The following ENTREP2 variants were observed in gnomAD, a reference collection of about 807,000 sequenced individuals.
ENTREP2 encodes endosomal transmembrane epsin interactor 2.
At chr15:29,215,577 A>AATATATATATAT in the ENTREP2 span, among the ~76,000 whole-genome samples, 11 of 144,716 alleles carry the variant, frequency 7.6e-5, no homozygotes, top group African/African-American at 2.5e-4. Context: ...AAATATATAT[A>AATATATATATAT]ATATATATAT....
chr15:29,215,452 C>T, the ENTREP2 span, among the ~76,000 whole-genome samples: 1 of 152,058 alleles, frequency 6.6e-6, no homozygotes, highest in African/African-American at 2.4e-5. Context: ...TTCCTGCCCT[C>T]AAACATTGGA....
chr15:29,339,058 AG>A, the ENTREP2 span, among the ~76,000 whole-genome samples: 1 of 152,194 alleles, frequency 6.6e-6, no homozygotes, highest in Non-Finnish European at 1.5e-5. Flanking sequence ...AGCAACAGGA[AG>A]GTGCTGACTC....
the ENTREP2 span, among the ~76,000 whole-genome samples, chr15:29,182,800 C>T: frequency 6.6e-6 from 1 of 151,950 alleles, no homozygotes; most frequent in African/African-American, 2.4e-5. Flanking sequence ...ACCAGTATTT[C>T]CCGTAATGTG....
the ENTREP2 span, among the ~76,000 whole-genome samples, chr15:29,491,403 C>A: frequency 6.6e-6 from 1 of 152,302 alleles, no homozygotes; most frequent in African/African-American, 2.4e-5. Flanking sequence ...AGTGAGCGAG[C>A]GAGCACTGCT....
chr15:29,626,881 CA>C, the ENTREP2 span, among the ~76,000 whole-genome samples: 1 of 152,000 alleles, frequency 6.6e-6, no homozygotes, highest in African/African-American at 2.4e-5. Flanking sequence ...ACAAATAAAA[CA>C]AATACAATAA....
the ENTREP2 span, among the ~76,000 whole-genome samples, chr15:29,297,689 T>C: frequency 6.6e-6 from 1 of 152,180 alleles, no homozygotes; most frequent in South Asian, 2.1e-4. Flanking sequence ...TGGAGTCTGA[T>C]CAGGCCTCTA....
chr15:29,330,673 T>C, the ENTREP2 span, among the ~76,000 whole-genome samples: 4 of 152,276 alleles, frequency 2.6e-5, no homozygotes, highest in East Asian at 3.9e-4. Context: ...TGATGTGGGG[T>C]TGGATGGTAT....
the ENTREP2 span, among the ~76,000 whole-genome samples, chr15:29,314,822 CG>C: frequency 6.6e-6 from 1 of 152,078 alleles, no homozygotes; most frequent in African/African-American, 2.4e-5. Flanking sequence ...GAGGCCGAGG[CG>C]GGTGGATCGC....
chr15:29,134,331 C>T, the ENTREP2 span, among the ~76,000 whole-genome samples: 1 of 152,206 alleles, frequency 6.6e-6, no homozygotes, highest in Non-Finnish European at 1.5e-5. Flanking sequence ...CAGGCAGCTC[C>T]CACACATCTG....
chr15:29,653,828 C>G, the ENTREP2 span, among the ~76,000 whole-genome samples: 1 of 151,476 alleles, frequency 6.6e-6, no homozygotes. Flanking sequence ...ACACGTGGTC[C>G]AGAGAGAGCT....
At chr15:29,420,461 G>A in the ENTREP2 span, among the ~76,000 whole-genome samples, 359 of 152,244 alleles carry the variant, frequency 2.4e-3, no homozygotes, top group Non-Finnish European at 4.3e-3. Flanking sequence ...GGTAGCAGTG[G>A]CTTGGAGCTT....
At chr15:29,510,323 T>C in the ENTREP2 span, among the ~76,000 whole-genome samples, 2 of 152,194 alleles carry the variant, frequency 1.3e-5, no homozygotes, top group East Asian at 3.9e-4. Context: ...AGTTCCTCCA[T>C]TGTGGAAGAC....
chr15:29,393,691 T>C, the ENTREP2 span, among the ~76,000 whole-genome samples: 1 of 152,214 alleles, frequency 6.6e-6, no homozygotes, highest in African/African-American at 2.4e-5. Flanking sequence ...CTGGTGTTTT[T>C]ATTGGTCCCA....
the ENTREP2 span, among the ~76,000 whole-genome samples, chr15:29,230,238 T>C: frequency 5.9e-5 from 9 of 152,220 alleles, no homozygotes; most frequent in Admixed American, 2.0e-4. Flanking sequence ...TCTTGGCGTT[T>C]CCAATCTTAT....
At chr15:29,220,367 C>T in the ENTREP2 span, among the ~76,000 whole-genome samples, 190 of 152,304 alleles carry the variant, frequency 1.2e-3, 1 homozygote, top group Middle Eastern at 6.8e-3. Flanking sequence ...TACCTTTAAA[C>T]GCACGTTATT....
the ENTREP2 span, among the ~76,000 whole-genome samples, chr15:29,507,836 A>G: frequency 6.6e-6 from 1 of 152,202 alleles, no homozygotes; most frequent in Non-Finnish European, 1.5e-5. Flanking sequence ...CATCACAATG[A>G]AAAGAACTAG....
the ENTREP2 span, among the ~76,000 whole-genome samples, chr15:29,625,614 T>C: frequency 4.6e-5 from 7 of 152,110 alleles, no homozygotes; most frequent in African/African-American, 1.7e-4. Context: ...CAGGCTGGTC[T>C]TGAACTCTGA....
the ENTREP2 span, among the ~76,000 whole-genome samples, chr15:29,192,347 AG>A: frequency 6.6e-6 from 1 of 152,204 alleles, no homozygotes; most frequent in Admixed American, 6.5e-5. Context: ...TTCTGCACCC[AG>A]GGGGAAAAAT....
At chr15:29,589,212 A>C in the ENTREP2 span, among the ~76,000 whole-genome samples, 1 of 152,140 alleles carries the variant, frequency 6.6e-6, no homozygotes. Context: ...GAGGGTGATT[A>C]CAAGCCCACT....
Sources: gnomAD v4.1 joint callset for allele counts (sites outside exome capture counted in the v4.1 genomes callset) on GRCh38, gnomAD v4.1.1 for gene constraint, MANE v1.5 for transcripts, NCBI Gene and HGNC (gene_info 2026-07-23, HGNC 2026-07-21) for gene names.